Variants in NTNG1 observed in about 807,000 individuals in gnomAD.
NTNG1 encodes the protein netrin-G1.
NTNG1 carries 16 observed loss-of-function variants against 54.0 expected under a neutral mutation model. The ratio of observed to expected loss-of-function variants is 0.30; its 90% CI spans 0.20 to 0.45. NTNG1 has a LOEUF of 0.45. NTNG1 is among the 20% of genes least tolerant of loss of function. The pLI is 1.00. For synonymous variants in NTNG1, 255 were observed against 263.1 expected (o/e 0.97, Z 0.30); for missense variants, 530 against 678.7 (o/e 0.78, Z 2.43).
intron 2 of NTNG1, among the ~76,000 whole-genome samples, chr1:107,203,435 C>G (rs2101308655): frequency 6.6e-6 from 1 of 151,576 alleles, no homozygotes; most frequent in South Asian, 2.1e-4. Flanking sequence ...AGTCATATTG[C>G]TACTAATGAA....
chr1:107,153,423 T>G (rs967671595), intron 2 of NTNG1, among the ~76,000 whole-genome samples: 1 of 152,192 alleles, frequency 6.6e-6, no homozygotes, highest in Non-Finnish European at 1.5e-5. Flanking sequence ...ACATGAAACA[T>G]AATTCAGTAA....
intron 3 of NTNG1, among the ~76,000 whole-genome samples, chr1:107,344,496 A>T (rs1030580815): frequency 6.6e-6 from 1 of 152,178 alleles, no homozygotes; most frequent in Non-Finnish European, 1.5e-5. Context: ...GCAGAATCCT[A>T]TGGGGCCTCC....
chr1:107,328,590 T>A (rs1158274809), intron 3 of NTNG1, among the ~76,000 whole-genome samples: 1 of 152,130 alleles, frequency 6.6e-6, no homozygotes. Context: ...CTGTTAAATA[T>A]AGATAATGTC....
At chr1:107,236,203 A>G (rs1661400680) in intron 2 of NTNG1, among the ~76,000 whole-genome samples, 1 of 152,224 alleles carries the variant, frequency 6.6e-6, no homozygotes, top group African/African-American at 2.4e-5. Flanking sequence ...AAATAATTAC[A>G]GTGGACTTCT....
At chr1:107,382,886 T>C (rs1426125796) in intron 3 of NTNG1, among the ~76,000 whole-genome samples, 1 of 151,602 alleles carries the variant, frequency 6.6e-6, no homozygotes, top group African/African-American at 2.4e-5. Flanking sequence ...AGAGCTTTGC[T>C]AGGTGCACTC....
chr1:107,161,660 CAA>C (rs35347655), intron 2 of NTNG1, among the ~76,000 whole-genome samples: 9 of 95,240 alleles, frequency 9.4e-5, no homozygotes, highest in Admixed American at 1.2e-4. Context: ...AACTGTGTCT[CAA>C]AAAAAAAAAA....
intron 2 of NTNG1, among the ~76,000 whole-genome samples, chr1:107,253,517 G>A (rs1296890970): frequency 1.3e-5 from 2 of 152,170 alleles, no homozygotes; most frequent in African/African-American, 4.8e-5. Context: ...GTGTGTCACA[G>A]GTGTTAGAGA....
At chr1:107,418,685 A>G (rs761489060) in intron 5 of NTNG1, 15 of 1,373,790 alleles carry the variant, frequency 1.1e-5, no homozygotes, top group Admixed American at 2.0e-5. Flanking sequence ...AAAATCCCAC[A>G]TGTTTGGGGG....
chr1:107,241,036 T>C (rs564606235), intron 2 of NTNG1, among the ~76,000 whole-genome samples: 1 of 152,284 alleles, frequency 6.6e-6, no homozygotes, highest in African/African-American at 2.4e-5. Flanking sequence ...ACTATTGAGA[T>C]TTCTTCATTT....
At chr1:107,263,303 TC>T in intron 2 of NTNG1, among the ~76,000 whole-genome samples, 1 of 151,618 alleles carries the variant, frequency 6.6e-6, no homozygotes, top group Admixed American at 6.6e-5. Context: ...CTTCCTTCCT[TC>T]CTTCCTTCCT....
chr1:107,201,389 G>T (rs1658744837), intron 2 of NTNG1, among the ~76,000 whole-genome samples: 1 of 151,778 alleles, frequency 6.6e-6, no homozygotes, highest in Non-Finnish European at 1.5e-5. Context: ...TAGCCCTTCA[G>T]TTCTCACTTG....
chr1:107,144,654 G>T (rs1197320353), intron 1 of NTNG1, among the ~76,000 whole-genome samples: 1 of 152,000 alleles, frequency 6.6e-6, no homozygotes, highest in Non-Finnish European at 1.5e-5. Flanking sequence ...AAGGGAATTA[G>T]CTGCAGAATC....
At chr1:107,386,162 TATA>T (rs1408084713) in intron 3 of NTNG1, among the ~76,000 whole-genome samples, 1 of 94,126 alleles carries the variant, frequency 1.1e-5, no homozygotes, top group Non-Finnish European at 2.5e-5. Flanking sequence ...TATATATATA[TATA>T]TTTTTTTTTT....
chr1:107,324,419 G>A lies in NTNG1; in HGVS notation c.384G>A (p.Lys128=), dbSNP rs768556955. The A allele has an allele frequency of 6.2e-7, 1 of 1,613,822 alleles. No homozygotes were observed. The highest frequency in any genetic ancestry group is 1.1e-5 in the South Asian group (1 of 91,082). ...CTGCCACTTGGAAGGAGTATCCCAA[G>A]CCTCTCCAGGTTAACATCACTCTGT... ...WQSATWKEYP[K]PLQVNITLSW... Residue 128 remains lysine, a synonymous_variant, in exon 3 of 8, where the codon AAG becomes AAA. Coordinates refer to ENST00000370068, the MANE Select transcript of NTNG1 (RefSeq NM_001113226.3).
chr1:107,164,574 A>C (rs1655635351), intron 2 of NTNG1, among the ~76,000 whole-genome samples: 1 of 152,232 alleles, frequency 6.6e-6, no homozygotes, highest in African/African-American at 2.4e-5. Context: ...TAAGTACACC[A>C]GTAACTACTA....
rs1179142929 is a variant in NTNG1 at position 107,481,588 on chromosome 1, G to T, written c.*748G>T. On this transcript the variant is annotated 3_prime_UTR_variant, in exon 8 of 8. Coordinates refer to ENST00000370068, the MANE Select transcript of NTNG1 (RefSeq NM_001113226.3). ...AACTACTGTAATATGTAGATTTTTT[G>T]TATTATTGCCAATTTGTGTTACCAG... The T allele has an allele frequency of 4.6e-5, 7 of 152,568 alleles. No individual in the cohort carries two copies. The highest frequency in any genetic ancestry group is 8.8e-5 in the Non-Finnish European group (6 of 68,010). The allele number at this position is 152,568 out of a possible 1,614,324, so 9.5% of individuals were successfully genotyped here.
At chr1:107,204,657 C>T (rs1659043422) in intron 2 of NTNG1, among the ~76,000 whole-genome samples, 2 of 152,126 alleles carry the variant, frequency 1.3e-5, no homozygotes, top group African/African-American at 2.4e-5. Flanking sequence ...GTTGAAATTC[C>T]TGATCCACAA....
At chr1:107,140,756 G>GA (rs776127435), upstream of NTNG1, 1,842 of 95,938 alleles carry the variant, frequency 0.019, 36 homozygotes, top group African/African-American at 0.06. Flanking sequence ...CCTGCGGCTT[G>GA]AAAAAAAAAA....
At chr1:107,234,498 G>A (rs1362471873) in intron 2 of NTNG1, among the ~76,000 whole-genome samples, 1 of 152,036 alleles carries the variant, frequency 6.6e-6, no homozygotes. Context: ...TTACTCTGTG[G>A]CAAGCACTGT....
Sources: gnomAD v4.1 joint callset for allele counts (sites outside exome capture counted in the v4.1 genomes callset) on GRCh38, gnomAD v4.1.1 for gene constraint, MANE v1.5 for transcripts, NCBI Gene and HGNC (gene_info 2026-07-23, HGNC 2026-07-21) for gene names.